TACC2: variants seen among roughly 807,000 people sequenced by gnomAD.
TACC2 encodes transforming acidic coiled-coil containing protein 2, also known as transforming acidic coiled-coil-containing protein 2.
In TACC2, 137 loss-of-function variants were observed where a neutral mutation model predicts 227.3. That is an observed-to-expected ratio of 0.60 (90% CI 0.52 to 0.69). TACC2 has a LOEUF of 0.69. TACC2 is among the 30% of genes least tolerant of loss of function. The pLI is 0.00. For synonymous variants in TACC2, 1,523 were observed against 1,487.5 expected, an observed-to-expected ratio of 1.02 and a Z score of -0.55; for missense variants, 3,470 against 3,694.4, an observed-to-expected ratio of 0.94 and a Z score of 1.57.
intron 8 of TACC2, among the ~76,000 whole-genome samples, chr10:122,207,033 T>A (rs1456144950): frequency 1.3e-5 from 2 of 151,992 alleles, no homozygotes; most frequent in Non-Finnish European, 2.9e-5. Flanking sequence ...GTGTGGTGGC[T>A]CACACCTGTA....
chr10:122,203,656 C>T (rs1457307139), intron 8 of TACC2, among the ~76,000 whole-genome samples: 6 of 151,822 alleles, frequency 4.0e-5, no homozygotes, highest in South Asian at 2.1e-4. Flanking sequence ...CGGGAAGAGA[C>T]GCTCCTCACT....
chr10:122,130,302 C>T (rs955447770), intron 5 of TACC2, among the ~76,000 whole-genome samples: 2 of 152,018 alleles, frequency 1.3e-5, no homozygotes, highest in Admixed American at 6.6e-5. Context: ...AGCCAGACTC[C>T]CCCTTCTTCA....
At chr10:122,019,700 C>T (rs1479082483) in intron 1 of TACC2, 11 of 152,270 alleles carry the variant, frequency 7.2e-5, no homozygotes, top group Non-Finnish European at 1.2e-4. Context: ...CTGCACGGCT[C>T]CTGCCCAGGT....
At chr10:122,073,175 G>T (rs1330707483) in intron 3 of TACC2, among the ~76,000 whole-genome samples, 1 of 136,336 alleles carries the variant, frequency 7.3e-6, no homozygotes, top group Non-Finnish European at 1.5e-5. Context: ...ACGCATACAT[G>T]AGATGAGCTC....
At chr10:122,142,969 C>G (rs1380250800) in intron 6 of TACC2, among the ~76,000 whole-genome samples, 1 of 152,156 alleles carries the variant, frequency 6.6e-6, no homozygotes, top group African/African-American at 2.4e-5. Flanking sequence ...CCGGAGGCCC[C>G]GCACGCTGTG....
chr10:122,134,682 C>T (rs958994710), intron 6 of TACC2, among the ~76,000 whole-genome samples: 1 of 152,308 alleles, frequency 6.6e-6, no homozygotes, highest in African/African-American at 2.4e-5. Context: ...ACCCAGGGGC[C>T]TCTGGCTGTA....
chr10:122,150,782 T>G lies in TACC2; in HGVS notation c.5834+7076T>G, dbSNP rs1366944611. On this transcript the variant is annotated intron_variant, in intron 7 of 22. Transcript: ENST00000369005. This position sits in a 1 kb window ranked among gnomAD's most constrained non-coding sequence, Gnocchi z 4.0. Reference sequence around the variant, plus strand: ...GAAGGACCTGCTGAGCGCTGGAGTCTAGGTGGAGTCATGCAGCGTTCCTGG... The same window carrying G: ...GAAGGACCTGCTGAGCGCTGGAGTCGAGGTGGAGTCATGCAGCGTTCCTGG... Among the ~76,000 whole-genome samples, 1 of 152,230 alleles carries G rather than the reference T, an allele frequency of 6.6e-6. No homozygotes were observed. The highest frequency in any genetic ancestry group is 1.5e-5 in the Non-Finnish European group (1 of 68,034).
chr10:122,085,248 A>G lies in TACC2; in HGVS notation c.2748A>G (p.Ser916=). 1 of 1,614,038 alleles carries G rather than the reference A, an allele frequency of 6.2e-7. No homozygotes were observed. Among genetic ancestry groups the G allele is most frequent in the Non-Finnish European group, 8.5e-7 (1 of 1,180,024 alleles). The part of the protein sequence containing the change: ...PKGTLSDTPT[S]SPTDMVWESS... ...GCACCCTGTCTGATACTCCAACTTCATCTCCCACTGACATGGTTTGGGAGA... is the reference window on the plus strand; with the variant it reads ...GCACCCTGTCTGATACTCCAACTTCGTCTCCCACTGACATGGTTTGGGAGA... Residue 916 remains serine (S), a synonymous_variant, in exon 4 of 23, where the codon TCA becomes TCG. Coordinates refer to ENST00000369005, the MANE Select transcript of TACC2 (RefSeq NM_206862.4).
At chr10:122,206,867 C>T (rs1212329583) in intron 8 of TACC2, among the ~76,000 whole-genome samples, 1 of 152,168 alleles carries the variant, frequency 6.6e-6, no homozygotes, top group Non-Finnish European at 1.5e-5. Flanking sequence ...ACCTCTATGT[C>T]CTCGGCACAC....
chr10:122,028,084 CTTTTTTTTT>C (rs59135261), intron 2 of TACC2, among the ~76,000 whole-genome samples: 5 of 91,744 alleles, frequency 5.4e-5, no homozygotes, highest in Non-Finnish European at 9.9e-5. Flanking sequence ...TTCTTTCTTT[CTTTTTTTTT>C]TTTTTTTTTT....
At chr10:122,070,596 A>C (rs1204122169) in intron 3 of TACC2, among the ~76,000 whole-genome samples, 2 of 152,112 alleles carry the variant, frequency 1.3e-5, no homozygotes, top group African/African-American at 4.8e-5. Flanking sequence ...TCTACTAAAA[A>C]TACAAAATTA....
chr10:122,187,790 C>G (rs969393080), intron 7 of TACC2, among the ~76,000 whole-genome samples: 1 of 152,092 alleles, frequency 6.6e-6, no homozygotes, highest in Non-Finnish European at 1.5e-5. Flanking sequence ...CGGTGCCCAG[C>G]CCTTATTTCC....
At chr10:122,171,852 C>G (rs1444889660) in intron 7 of TACC2, among the ~76,000 whole-genome samples, 4 of 152,212 alleles carry the variant, frequency 2.6e-5, no homozygotes, top group African/African-American at 9.7e-5. Context: ...CTTGGCCAGG[C>G]CCTTCCATGA....
At chr10:121,996,381 G>A (rs1189751528) in intron 1 of TACC2, among the ~76,000 whole-genome samples, 2 of 152,064 alleles carry the variant, frequency 1.3e-5, no homozygotes, top group Non-Finnish European at 2.9e-5. Context: ...ACAACCAGCT[G>A]TCATGTGAAC....
chr10:122,066,875 GTACAATA>G (rs2077446450), intron 3 of TACC2, among the ~76,000 whole-genome samples: 1 of 152,092 alleles, frequency 6.6e-6, no homozygotes, highest in Admixed American at 6.5e-5. Flanking sequence ...GCTTTAAGAA[GTACAATA>G]TACATCTTTA....
chr10:122,107,663 T>C (rs2082985536), intron 5 of TACC2, among the ~76,000 whole-genome samples: 1 of 147,774 alleles, frequency 6.8e-6, no homozygotes, highest in African/African-American at 2.5e-5. Flanking sequence ...AATGCACATT[T>C]CTTTTTTAAA....
At chr10:122,058,140 C>T (rs1487510470) in intron 3 of TACC2, among the ~76,000 whole-genome samples, 1 of 152,212 alleles carries the variant, frequency 6.6e-6, no homozygotes, top group African/African-American at 2.4e-5. Flanking sequence ...CTAATTTTAG[C>T]GCATTTAAAT....
At position 122,141,907 on chromosome 10, in the gene TACC2, C is replaced by T. The variant is rs1387021462; in HGVS notation, c.5700-1665C>T. 1.3e-5 allele frequency among the ~76,000 whole-genome samples: 2 copies of T among 152,058 alleles called. No individual in the cohort carries two copies. Among genetic ancestry groups the T allele is most frequent in the African/African-American group, 4.8e-5 (2 of 41,404 alleles). On this transcript the variant is annotated intron_variant, in intron 6 of 22. Coordinates refer to ENST00000369005, the MANE Select transcript of TACC2 (RefSeq NM_206862.4). This position sits in a 1 kb window ranked among gnomAD's most constrained non-coding sequence, Gnocchi z 4.3. ...TTGCGTTTGTAAGTGGTCCATTTGC[C>T]GATTATGAGTACATGTCAGCCTCCA...
chr10:122,208,313 G>A (rs2095194233), intron 8 of TACC2, among the ~76,000 whole-genome samples: 1 of 152,182 alleles, frequency 6.6e-6, no homozygotes, highest in South Asian at 2.1e-4. Flanking sequence ...GGGAAACAAA[G>A]CCAAGGCCAG....
Sources: gnomAD v4.1 joint callset for allele counts (sites outside exome capture counted in the v4.1 genomes callset) on GRCh38, gnomAD v4.1.1 for gene constraint, Gnocchi (gnomAD v3.1) non-coding constraint, MANE v1.5 for transcripts, NCBI Gene and HGNC (gene_info 2026-07-23, HGNC 2026-07-21) for gene names.